The following COL4A2 variants were observed in gnomAD, a reference collection of about 807,000 sequenced individuals.
COL4A2 encodes the protein collagen alpha-2(IV) chain.
Under a neutral mutation model 200.2 loss-of-function variants are expected in COL4A2, and 99 were observed. The ratio of observed to expected loss-of-function variants is 0.49; its 90% CI spans 0.42 to 0.58. The LOEUF (loss-of-function observed/expected upper bound fraction) is 0.58, where lower values mean the gene tolerates loss of function less well. Among genes scored for constraint, COL4A2 ranks in the 20% least tolerant of loss-of-function variants. COL4A2 has a pLI of 0.00. For missense variants in COL4A2, 1,950 were observed against 2,314.1 expected (o/e 0.84, Z 3.23); for synonymous variants, 897 against 900.6 (o/e 1.00, Z 0.07).
chr13:110,445,760 T>C, intron 16 of COL4A2, 69 bp from the exon 17 acceptor site: 1 of 1,553,342 alleles, frequency 6.4e-7, no homozygotes, highest in Non-Finnish European at 8.9e-7. Flanking sequence ...GATATAATAA[T>C]GCCATTGCAG....
chr13:110,503,426 T>C lies in COL4A2; in HGVS notation c.4083T>C (p.Thr1361=), dbSNP rs438758. The C allele has an allele frequency of 1, 1,587,884 of 1,593,680 alleles. 791,138 individuals are homozygous for C. Among genetic ancestry groups the C allele is most frequent in the Non-Finnish European group, 1 (1,169,417 of 1,169,780 alleles). The change falls in exon 43 of 48, where the codon ACT becomes ACC. Residue 1361 remains threonine (T), a synonymous_variant. Coordinates refer to ENST00000360467, the MANE Select transcript of COL4A2 (RefSeq NM_001846.4). ...EQGFMGNTGP[T]GAVGDRGPKG... ...GCTTCATGGGGAACACTGGACCCACTGGGGCGGTGGGCGACAGAGGCCCCA... is the reference window on the plus strand; with the variant it reads ...GCTTCATGGGGAACACTGGACCCACCGGGGCGGTGGGCGACAGAGGCCCCA...
At chr13:110,386,951 C>T (rs1246058020) in intron 4 of COL4A2, among the ~76,000 whole-genome samples, 3 of 152,000 alleles carry the variant, frequency 2.0e-5, no homozygotes, top group South Asian at 2.1e-4. Flanking sequence ...TTAAATGGAG[C>T]GACTGAGGCC....
At chr13:110,490,564 G>A (rs546775255) in intron 36 of COL4A2, among the ~76,000 whole-genome samples, 7 of 152,258 alleles carry the variant, frequency 4.6e-5, no homozygotes, top group Non-Finnish European at 5.9e-5. Flanking sequence ...GGAAATAGGC[G>A]CCTCTGTTTA....
intron 21 of COL4A2, chr13:110,458,146 G>A: frequency 2.1e-6 from 1 of 470,360 alleles, no homozygotes; most frequent in Non-Finnish European, 4.4e-6. Flanking sequence ...GCACCCCGCT[G>A]TGGATGGGCA....
intron 4 of COL4A2, among the ~76,000 whole-genome samples, chr13:110,397,420 G>A (rs529771260): frequency 2.0e-4 from 31 of 152,316 alleles, no homozygotes; most frequent in African/African-American, 5.8e-4. Context: ...GAAGTAAGCC[G>A]TATGAGCACT....
At chr13:110,411,764 A>G (rs1384370521) in intron 4 of COL4A2, among the ~76,000 whole-genome samples, 1 of 152,210 alleles carries the variant, frequency 6.6e-6, no homozygotes, top group Non-Finnish European at 1.5e-5. Context: ...TCAGAGTCCA[A>G]GGTCATGTCT....
At chr13:110,489,300 A>G (rs1393681185) in intron 34 of COL4A2, 145 bp from the exon 35 acceptor site, 1 of 768,548 alleles carries the variant, frequency 1.3e-6, no homozygotes, top group Admixed American at 2.4e-5. Flanking sequence ...TACACACTAA[A>G]AAACACGAGT....
At chr13:110,497,971 G>A (rs2479424) in intron 40 of COL4A2, among the ~76,000 whole-genome samples, 2 of 128,534 alleles carry the variant, frequency 1.6e-5, no homozygotes, top group African/African-American at 5.9e-5. Flanking sequence ...GTGAGGATCT[G>A]GGGTCAGTCC....
chr13:110,390,802 C>T (rs974840188), intron 4 of COL4A2, among the ~76,000 whole-genome samples: 5 of 152,154 alleles, frequency 3.3e-5, no homozygotes, highest in African/African-American at 7.2e-5. Context: ...CTGAGTAATC[C>T]GCTTGTTTAG....
At chr13:110,336,460 G>A (rs11069840) in intron 3 of COL4A2, among the ~76,000 whole-genome samples, 3 of 152,090 alleles carry the variant, frequency 2.0e-5, no homozygotes, top group Non-Finnish European at 2.9e-5. Flanking sequence ...TAACAATAGC[G>A]GCCGCTGGAG....
chr13:110,382,867 G>A (rs566736976), intron 4 of COL4A2, among the ~76,000 whole-genome samples: 3 of 152,294 alleles, frequency 2.0e-5, no homozygotes, highest in East Asian at 3.9e-4. Context: ...ATAATCCGCA[G>A]ATAATTTTTT....
At position 110,357,569 on chromosome 13, in the gene COL4A2, C is replaced by T. The variant is rs1353492901; in HGVS notation, c.180+17C>T. 3.8e-6 allele frequency: 6 copies of T among 1,563,790 alleles called. No individual in the cohort carries two copies. The South Asian group carries it at 7.1e-5, about 18-fold the overall frequency. On this transcript the variant is annotated intron_variant, in intron 4 of 47. Transcript: ENST00000360467. ...GGTGGACGTGTAAGTCACAGCATTG[C>T]AATAAATAATATTATCTTCCTCATA...
At chr13:110,441,730 C>T (rs1881130147) in intron 16 of COL4A2, among the ~76,000 whole-genome samples, 1 of 152,140 alleles carries the variant, frequency 6.6e-6, no homozygotes, top group African/African-American at 2.4e-5. Context: ...CTGTTAATTT[C>T]CTACCATGTG....
rs201543646 is a variant in COL4A2, at chr13:110,457,398, C to G, written c.1395C>G (p.Pro465=). Residue 465 remains proline, a synonymous_variant, in exon 21 of 48, where the codon CCC becomes CCG. Coordinates refer to ENST00000360467, the MANE Select transcript of COL4A2 (RefSeq NM_001846.4). ...AKGRAGFPGL[P]GSPGARGPKG... ...GAAGAGCAGGCTTCCCTGGGCTTCC[C>G]GGCTCCCCTGGAGCCCGCGGACCAA... The G allele has an allele frequency of 3.1e-6, 5 of 1,612,888 alleles. No homozygotes were observed. The highest frequency in any genetic ancestry group is 1.3e-5 in the African/African-American group (1 of 74,888).
chr13:110,491,973 G>T (rs906067029), intron 37 of COL4A2, 97 bp from the exon 38 acceptor site: 3 of 1,055,522 alleles, frequency 2.8e-6, no homozygotes, highest in Non-Finnish European at 2.7e-6. Flanking sequence ...TCCGGCCCTC[G>T]GCCCCTCCCA....
intron 28 of COL4A2, among the ~76,000 whole-genome samples, chr13:110,470,187 A>G (rs557900880): frequency 6.6e-6 from 1 of 152,246 alleles, no homozygotes; most frequent in Admixed American, 6.5e-5. Context: ...AAGTGCTGGG[A>G]TGACAGGCGT....
At position 110,359,108 on chromosome 13, in the gene COL4A2, A is replaced by G. The variant is rs183207901; in HGVS notation, c.180+1556A>G. On this transcript the variant is annotated intron_variant, in intron 4 of 47. Coordinates refer to ENST00000360467, the MANE Select transcript of COL4A2 (RefSeq NM_001846.4). ...AGTTGTATCATTGCTAACAATTCTC[A>G]CTTTGAAAATATTTACTCCCTGAAT... Among the ~76,000 whole-genome samples, 330 of 152,290 alleles carry G rather than the reference A, an allele frequency of 2.2e-3. 2 individuals are homozygous for G. Among genetic ancestry groups the G allele is most frequent in the African/African-American group, 7.6e-3 (316 of 41,566 alleles).
intron 4 of COL4A2, among the ~76,000 whole-genome samples, chr13:110,424,276 A>G (rs112191942): frequency 2.0e-5 from 3 of 150,650 alleles, no homozygotes; most frequent in Non-Finnish European, 4.4e-5. Context: ...TTTTCCCTCT[A>G]TGTGAACAAA....
At chr13:110,440,140 T>C (rs746050848) in intron 16 of COL4A2, among the ~76,000 whole-genome samples, 6 of 152,188 alleles carry the variant, frequency 3.9e-5, no homozygotes, top group Non-Finnish European at 7.4e-5. Context: ...TTGTCACTCA[T>C]AGGAAGCTCC....
Sources: gnomAD v4.1 joint callset for allele counts (sites outside exome capture counted in the v4.1 genomes callset) on GRCh38, gnomAD v4.1.1 for gene constraint, MANE v1.5 for transcripts, NCBI Gene and HGNC (gene_info 2026-07-23, HGNC 2026-07-21) for gene names.